BCAT1: variants seen among roughly 807,000 people sequenced by gnomAD.
The protein encoded by BCAT1 is branched-chain-amino-acid aminotransferase, cytosolic.
BCAT1 carries 48 observed loss-of-function variants against 52.4 expected under a neutral mutation model. The observed-to-expected ratio is 0.92, with a 90% CI of 0.73 to 1.16. BCAT1 has a LOEUF of 1.16. BCAT1 is among the 50% of genes most tolerant of loss of function. The pLI is 0.00. For missense variants in BCAT1, 451 were observed against 457.1 expected (o/e 0.99, Z 0.12); for synonymous variants, 167 against 161.3 (o/e 1.04, Z -0.27).
chr12:24,832,316 G>GA (rs1426981896), intron 9 of BCAT1, among the ~76,000 whole-genome samples: 1 of 152,094 alleles, frequency 6.6e-6, no homozygotes, highest in African/African-American at 2.4e-5. Flanking sequence ...TGAAATCACT[G>GA]GAAACATAGT....
At chr12:24,930,896 CTTTTTTTTTTTT>C (rs5797108) in intron 1 of BCAT1, among the ~76,000 whole-genome samples, 5 of 96,088 alleles carry the variant, frequency 5.2e-5, no homozygotes, top group Non-Finnish European at 9.8e-5. Context: ...GAACAGGGCC[CTTTTTTTTTTTT>C]TTTTTTTTTT....
chr12:24,923,065 T>C (rs1485371721), intron 1 of BCAT1, among the ~76,000 whole-genome samples: 4 of 152,174 alleles, frequency 2.6e-5, no homozygotes, highest in Non-Finnish European at 5.9e-5. Flanking sequence ...AGACACTCAG[T>C]GCCCAAGGTT....
intron 3 of BCAT1, among the ~76,000 whole-genome samples, chr12:24,887,336 T>G (rs1452627266): frequency 1.3e-5 from 2 of 151,842 alleles, no homozygotes; most frequent in East Asian, 1.9e-4. Flanking sequence ...GCCCCACAAA[T>G]GTTAGGTTGG....
chr12:24,885,398 G>A (rs1261023414), intron 3 of BCAT1, among the ~76,000 whole-genome samples: 1 of 151,974 alleles, frequency 6.6e-6, no homozygotes, highest in Non-Finnish European at 1.5e-5. Flanking sequence ...AATGTAGAAA[G>A]CAATTTCATG....
In BCAT1 at chr12:24,815,600, T is replaced by C. The variant is rs549194793; in HGVS notation, c.*2408A>G. ...TGTGCAGATGTTCCTGTTAAATCTA[T>C]TTAACAAGAAAGCGTCAAGGTCAAT... On this transcript the variant is annotated 3_prime_UTR_variant, in exon 11 of 11. Coordinates refer to ENST00000261192, the MANE Select transcript of BCAT1 (RefSeq NM_005504.7). 1 of 152,450 alleles carries C rather than the reference T, an allele frequency of 6.6e-6. No individual in the cohort carries two copies. The highest frequency in any genetic ancestry group is 2.1e-4 in the South Asian group (1 of 4,824). The allele number at this position is 152,450 out of a possible 1,614,324, so 9.4% of individuals were successfully genotyped here.
intron 3 of BCAT1, among the ~76,000 whole-genome samples, chr12:24,893,558 T>C (rs1005289822): frequency 6.6e-5 from 10 of 152,194 alleles, no homozygotes; most frequent in African/African-American, 2.4e-4. Context: ...ATTGCAGGAA[T>C]TCAGTAAACA....
intron 5 of BCAT1, among the ~76,000 whole-genome samples, chr12:24,851,403 C>T (rs964697606): frequency 2.0e-5 from 3 of 152,202 alleles, no homozygotes; most frequent in African/African-American, 7.2e-5. Flanking sequence ...CCATCCCTCA[C>T]CCACTGCTCA....
chr12:24,902,387 C>T (rs61912177), intron 1 of BCAT1: 45,479 of 1,149,444 alleles, frequency 0.04, 1,055 homozygotes, highest in Non-Finnish European at 0.043. Flanking sequence ...GCAGCATCCA[C>T]CCCACACCTT....
chr12:24,926,743 C>T (rs2139733818), intron 1 of BCAT1, among the ~76,000 whole-genome samples: 1 of 152,298 alleles, frequency 6.6e-6, no homozygotes, highest in African/African-American at 2.4e-5. Context: ...CTTTGTTAAA[C>T]AGATGCTTGA....
At chr12:24,855,682 C>T (rs1941656630) in intron 5 of BCAT1, among the ~76,000 whole-genome samples, 1 of 152,204 alleles carries the variant, frequency 6.6e-6, no homozygotes, top group Admixed American at 6.5e-5. Flanking sequence ...CGCCTGGCAC[C>T]ATTCTTTGTC....
chr12:24,894,609 C>G, intron 2 of BCAT1, 134 bp from the exon 3 acceptor site: 1 of 740,856 alleles, frequency 1.3e-6, no homozygotes, highest in Non-Finnish European at 2.2e-6. Flanking sequence ...ATTTAACACT[C>G]TGAGCTGAAC....
intron 1 of BCAT1, among the ~76,000 whole-genome samples, chr12:24,934,386 G>A (rs1943722799): frequency 6.6e-6 from 1 of 152,104 alleles, no homozygotes; most frequent in Non-Finnish European, 1.5e-5. Context: ...CCAGTCTCAG[G>A]TAGTTCTTTA....
At chr12:24,831,641 C>T (rs1452982149) in intron 9 of BCAT1, among the ~76,000 whole-genome samples, 1 of 152,046 alleles carries the variant, frequency 6.6e-6, no homozygotes, top group Admixed American at 6.6e-5. Flanking sequence ...AGAGAAAGAC[C>T]CCGTTTAAAA....
At chr12:24,932,263 A>G (rs1252546996) in intron 1 of BCAT1, among the ~76,000 whole-genome samples, 1 of 152,186 alleles carries the variant, frequency 6.6e-6, no homozygotes, top group African/African-American at 2.4e-5. Context: ...AATAAAATCC[A>G]CACTTACCAG....
At chr12:24,831,267 C>A (rs115835975) in intron 9 of BCAT1, among the ~76,000 whole-genome samples, 4 of 152,120 alleles carry the variant, frequency 2.6e-5, no homozygotes, top group South Asian at 2.1e-4. Flanking sequence ...ACATAACATA[C>A]AAAATATGTG....
At chr12:24,916,834 C>T (rs1423151966) in intron 1 of BCAT1, among the ~76,000 whole-genome samples, 1 of 152,202 alleles carries the variant, frequency 6.6e-6, no homozygotes. Flanking sequence ...CCACCATGCA[C>T]AGCCGAAAAT....
chr12:24,941,799 T>A (rs1052522503), intron 1 of BCAT1, among the ~76,000 whole-genome samples: 1 of 152,238 alleles, frequency 6.6e-6, no homozygotes, highest in African/African-American at 2.4e-5. Flanking sequence ...TTCATTCCAC[T>A]GCAAAAACAT....
At chr12:24,936,673 C>G (rs1943758038) in intron 1 of BCAT1, among the ~76,000 whole-genome samples, 1 of 139,494 alleles carries the variant, frequency 7.2e-6, no homozygotes, top group Non-Finnish European at 1.6e-5. Context: ...TTGGCTCATC[C>G]TTATCCTCAG....
intron 3 of BCAT1, among the ~76,000 whole-genome samples, chr12:24,886,971 G>T (rs1025806879): frequency 6.8e-6 from 1 of 146,616 alleles, no homozygotes; most frequent in Non-Finnish European, 1.5e-5. Flanking sequence ...GCTGAGGCAG[G>T]AGAATCGCTT....
Sources: gnomAD v4.1 joint callset for allele counts (sites outside exome capture counted in the v4.1 genomes callset) on GRCh38, gnomAD v4.1.1 for gene constraint, MANE v1.5 for transcripts, NCBI Gene and HGNC (gene_info 2026-07-23, HGNC 2026-07-21) for gene names.